The following PBX3 variants were observed in gnomAD, a reference collection of about 807,000 sequenced individuals.
The protein encoded by PBX3 is pre-B-cell leukemia transcription factor 3.
A neutral mutation model predicts 48.5 loss-of-function variants in PBX3; 14 were observed. That is an observed-to-expected ratio of 0.29 (90% CI 0.19 to 0.45). The LOEUF (loss-of-function observed/expected upper bound fraction) is 0.45, where lower values mean the gene tolerates loss of function less well. Among genes scored for constraint, PBX3 ranks in the 20% least tolerant of loss-of-function variants. The probability of loss-of-function intolerance (pLI) is 1.00; values close to 1 mark genes in which losing one functional copy is unlikely to be tolerated. For missense variants in PBX3, 386 were observed against 546.7 expected (o/e 0.71, Z 2.93); for synonymous variants, 210 against 200.3 (o/e 1.05, Z -0.41).
chr9:125,913,335 T>A (rs1281229921), intron 2 of PBX3, among the ~76,000 whole-genome samples: 3 of 152,182 alleles, frequency 2.0e-5, no homozygotes, highest in Non-Finnish European at 4.4e-5. Flanking sequence ...CTGATAATTT[T>A]AGAAATAAGA....
At chr9:125,925,567 C>T (rs966917297) in intron 3 of PBX3, among the ~76,000 whole-genome samples, 8 of 152,194 alleles carry the variant, frequency 5.3e-5, no homozygotes, top group Admixed American at 3.3e-4. Context: ...GATCCTCCTA[C>T]CTCAGCCTCC....
chr9:125,810,521 TA>T (rs1356600327), intron 2 of PBX3, among the ~76,000 whole-genome samples: 2 of 152,120 alleles, frequency 1.3e-5, no homozygotes, highest in African/African-American at 4.8e-5. Context: ...TTTCCACTTC[TA>T]AATGTCTTCT....
At chr9:125,874,151 G>A (rs962595356) in intron 2 of PBX3, among the ~76,000 whole-genome samples, 7 of 152,076 alleles carry the variant, frequency 4.6e-5, no homozygotes, top group African/African-American at 1.7e-4. Flanking sequence ...GTCTCAAGAA[G>A]ATACAGAAAA....
chr9:125,936,587 G>A (rs1369224519), intron 5 of PBX3, among the ~76,000 whole-genome samples: 1 of 152,170 alleles, frequency 6.6e-6, no homozygotes, highest in African/African-American at 2.4e-5. Context: ...GTTCCAATGA[G>A]GGTCTCATAT....
intron 2 of PBX3, among the ~76,000 whole-genome samples, chr9:125,897,025 AATAGTTAAATATATATCTAAATGC>A (rs1840785453): frequency 6.6e-6 from 1 of 151,660 alleles, no homozygotes; most frequent in East Asian, 2.0e-4. Context: ...AAAAGGTTTC[AATAGTTAAATATATATCTAAATGC>A]TATTGACTTT....
intron 2 of PBX3, among the ~76,000 whole-genome samples, chr9:125,819,452 G>T (rs1264730127): frequency 6.6e-6 from 1 of 151,966 alleles, no homozygotes; most frequent in Non-Finnish European, 1.5e-5. Flanking sequence ...TTGAACCCGG[G>T]AGGCGGAGGT....
intron 5 of PBX3, among the ~76,000 whole-genome samples, chr9:125,936,167 T>G (rs1244074707): frequency 6.6e-6 from 1 of 152,204 alleles, no homozygotes; most frequent in Non-Finnish European, 1.5e-5. Context: ...AAAAAAATGT[T>G]TATTTATAAT....
intron 2 of PBX3, among the ~76,000 whole-genome samples, chr9:125,780,454 C>T (rs531373589): frequency 3.9e-3 from 468 of 120,946 alleles, no homozygotes; most frequent in Middle Eastern, 6.9e-3. Context: ...GGCGGCTGGC[C>T]GGGCGGGGGG....
intron 4 of PBX3, among the ~76,000 whole-genome samples, chr9:125,932,045 C>G (rs1186458277): frequency 2.0e-5 from 3 of 152,100 alleles, no homozygotes; most frequent in African/African-American, 4.8e-5. Flanking sequence ...AAATGAAATG[C>G]TTCATGGAAT....
intron 2 of PBX3, among the ~76,000 whole-genome samples, chr9:125,835,051 A>AAAT (rs1564681272): frequency 9.3e-6 from 1 of 108,002 alleles, no homozygotes; most frequent in African/African-American, 3.8e-5. Flanking sequence ...AAAAAAAAAA[A>AAAT]GGGCAAAAGA....
At chr9:125,900,482 C>T (rs997749729) in intron 2 of PBX3, among the ~76,000 whole-genome samples, 2 of 151,520 alleles carry the variant, frequency 1.3e-5, no homozygotes, top group Non-Finnish European at 3.0e-5. Context: ...AATCAGGCCG[C>T]AATATTCTAA....
intron 2 of PBX3, among the ~76,000 whole-genome samples, chr9:125,849,036 A>G (rs1341969062): frequency 6.6e-6 from 1 of 151,996 alleles, no homozygotes; most frequent in Non-Finnish European, 1.5e-5. Context: ...CAGTACTTTT[A>G]GGAAGTTGGT....
chr9:125,916,440 C>T (rs1841336621), intron 3 of PBX3, among the ~76,000 whole-genome samples: 1 of 152,076 alleles, frequency 6.6e-6, no homozygotes, highest in East Asian at 1.9e-4. Context: ...AGTATGAGAC[C>T]TCCCAAGATA....
intron 2 of PBX3, among the ~76,000 whole-genome samples, chr9:125,750,800 C>G (rs1476562774): frequency 6.6e-6 from 1 of 152,184 alleles, no homozygotes; most frequent in African/African-American, 2.4e-5. Context: ...CCTCTCTAAG[C>G]TCGAGAGGGA....
At chr9:125,945,492 A>G (rs1042611026) in intron 5 of PBX3, among the ~76,000 whole-genome samples, 4 of 152,142 alleles carry the variant, frequency 2.6e-5, no homozygotes, top group Admixed American at 2.6e-4. Context: ...TCTAGTTCCT[A>G]TCCTCCATTG....
intron 2 of PBX3, among the ~76,000 whole-genome samples, chr9:125,797,175 T>C (rs1837809071): frequency 6.6e-6 from 1 of 152,152 alleles, no homozygotes. Context: ...TTTTAAAAAA[T>C]GTTTTGAAAT....
intron 2 of PBX3, among the ~76,000 whole-genome samples, chr9:125,796,342 A>G (rs1837778090): frequency 6.6e-6 from 1 of 152,182 alleles, no homozygotes; most frequent in Non-Finnish European, 1.5e-5. Context: ...TTTCAAAACT[A>G]TTTACACTAA....
chr9:125,785,943 C>CT (rs201029654), intron 2 of PBX3, among the ~76,000 whole-genome samples: 6,990 of 138,262 alleles, frequency 0.051, 382 homozygotes, highest in African/African-American at 0.14. Context: ...TTTAAAGTCG[C>CT]TTTTTTTTTT....
intron 3 of PBX3, among the ~76,000 whole-genome samples, chr9:125,920,757 T>G (rs1841440122): frequency 1.3e-5 from 2 of 152,328 alleles, no homozygotes; most frequent in South Asian, 4.1e-4. Context: ...TCATTTGAAC[T>G]CACCCCAAAT....
Sources: gnomAD v4.1 joint callset for allele counts (sites outside exome capture counted in the v4.1 genomes callset) on GRCh38, gnomAD v4.1.1 for gene constraint, MANE v1.5 for transcripts, NCBI Gene and HGNC (gene_info 2026-07-23, HGNC 2026-07-21) for gene names.